The following CNTNAP2 variants were observed in gnomAD, a reference collection of about 807,000 sequenced individuals.
CNTNAP2 encodes contactin associated protein 2.
CNTNAP2 carries 98 observed loss-of-function variants against 155.2 expected under a neutral mutation model. The ratio of observed to expected loss-of-function variants is 0.63; its 90% CI spans 0.54 to 0.75. CNTNAP2 has a LOEUF of 0.75. Among genes scored for constraint, CNTNAP2 ranks in the 30% least tolerant of loss-of-function variants. CNTNAP2 has a pLI of 0.00. For synonymous variants in CNTNAP2, 651 were observed against 631.2 expected (o/e 1.03, Z -0.47); for missense variants, 1,727 against 1,688.1 (o/e 1.02, Z -0.40).
At chr7:147,459,548 A>G (rs965706696) in intron 10 of CNTNAP2, among the ~76,000 whole-genome samples, 2 of 152,160 alleles carry the variant, frequency 1.3e-5, no homozygotes, top group African/African-American at 4.8e-5. Context: ...GGGAGGCAGT[A>G]AGGTTAGAAA....
intron 13 of CNTNAP2, among the ~76,000 whole-genome samples, chr7:147,741,989 C>T (rs1223608798): frequency 1.3e-5 from 2 of 152,086 alleles, no homozygotes; most frequent in Admixed American, 6.5e-5. Context: ...TGGTGGAAGG[C>T]AAGGAGGAGC....
intron 21 of CNTNAP2, among the ~76,000 whole-genome samples, chr7:148,338,675 C>A (rs1489347304): frequency 2.6e-5 from 4 of 152,294 alleles, no homozygotes; most frequent in African/African-American, 9.6e-5. Flanking sequence ...TTTCCTATCA[C>A]TACTGTCTTC....
In CNTNAP2 at chr7:148,418,718, T is replaced by A. The variant is rs1563082199; in HGVS notation, c.*3102T>A. ...ATATTTAAAAATGTATTTCCCCTTG[T>A]GGCTTTCAACCACCTGCTCAAAAAA... is the stretch of plus-strand genomic sequence containing the variant. On this transcript the variant is annotated 3_prime_UTR_variant, in exon 24 of 24. Coordinates refer to ENST00000361727, the MANE Select transcript of CNTNAP2 (RefSeq NM_014141.6). 6.6e-6 allele frequency: 1 copy of A among 152,184 alleles called. No individual in the cohort carries two copies. Among genetic ancestry groups the A allele is most frequent in the Non-Finnish European group, 1.5e-5 (1 of 68,032 alleles). The allele number at this position is 152,184 out of a possible 1,614,324, so 9.4% of individuals were successfully genotyped here.
At chr7:146,302,654 C>G (rs1800631221) in intron 1 of CNTNAP2, among the ~76,000 whole-genome samples, 1 of 152,102 alleles carries the variant, frequency 6.6e-6, no homozygotes, top group Non-Finnish European at 1.5e-5. Context: ...AACTCTTAAA[C>G]AGCACGGCAT....
intron 8 of CNTNAP2, among the ~76,000 whole-genome samples, chr7:147,271,244 G>T (rs1467704523): frequency 1.3e-5 from 2 of 151,970 alleles, no homozygotes; most frequent in Non-Finnish European, 2.9e-5. Context: ...GAAGCAGCAG[G>T]AATAAGTGTA....
intron 1 of CNTNAP2, among the ~76,000 whole-genome samples, chr7:146,627,256 A>C (rs1236544897): frequency 6.6e-6 from 1 of 152,120 alleles, no homozygotes; most frequent in African/African-American, 2.4e-5. Flanking sequence ...TCCTTCCACG[A>C]CATGTGAGAA....
At chr7:146,461,471 T>G (rs2030846) in intron 1 of CNTNAP2, among the ~76,000 whole-genome samples, 88,841 of 151,602 alleles carry the variant, frequency 0.59, 29,233 homozygotes, top group South Asian at 0.82. Flanking sequence ...AAAAAGAAAT[T>G]TAGTAAGAAG....
rs140406760 is a variant in CNTNAP2, at chr7:146,577,560, C to T, written c.98-196711C>T. ...TTGTTTCGTGATTAATTTTAAAATA[C>T]GTATTCAGGGAATCAAGAAAATTTT... On this transcript the variant is annotated intron_variant, in intron 1 of 23. Transcript: ENST00000361727. Among the ~76,000 whole-genome samples the T allele has an allele frequency of 3.9e-3, 587 of 151,864 alleles. 4 individuals are homozygous for T. Among genetic ancestry groups the T allele is most frequent in the African/African-American group, 0.013 (550 of 41,442 alleles).
chr7:146,351,975 T>A (rs2129098895), intron 1 of CNTNAP2, among the ~76,000 whole-genome samples: 2 of 152,296 alleles, frequency 1.3e-5, no homozygotes, highest in Middle Eastern at 3.4e-3. Context: ...TTGGTCTGTG[T>A]TAGGAAGTGT....
At chr7:147,299,534 C>T (rs776528881) in intron 8 of CNTNAP2, among the ~76,000 whole-genome samples, 2 of 151,418 alleles carry the variant, frequency 1.3e-5, no homozygotes, top group East Asian at 1.9e-4. Context: ...GTGGTCAGTT[C>T]GTACTTATAA....
chr7:146,847,330 T>A (rs1000962647), intron 3 of CNTNAP2, among the ~76,000 whole-genome samples: 1 of 152,158 alleles, frequency 6.6e-6, no homozygotes, highest in Non-Finnish European at 1.5e-5. Context: ...AGTAATTCTA[T>A]GTTACACTCT....
chr7:146,394,123 G>A (rs1563067556), intron 1 of CNTNAP2, among the ~76,000 whole-genome samples: 1 of 152,096 alleles, frequency 6.6e-6, no homozygotes, highest in Admixed American at 6.6e-5. Context: ...ATGAGATTTA[G>A]AGCCAGGGTT....
intron 4 of CNTNAP2, among the ~76,000 whole-genome samples, chr7:147,044,630 C>A (rs978445683): frequency 2.6e-5 from 4 of 152,062 alleles, no homozygotes; most frequent in African/African-American, 9.7e-5. Context: ...TTTTAAAGCT[C>A]CCTTGTTATT....
chr7:148,357,011 C>A (rs1311424448), intron 21 of CNTNAP2, among the ~76,000 whole-genome samples: 2 of 152,094 alleles, frequency 1.3e-5, no homozygotes, highest in Non-Finnish European at 2.9e-5. Context: ...CTGTAGGAGA[C>A]CTTTCCAGCT....
chr7:148,108,564 T>C (rs917515785), intron 15 of CNTNAP2, among the ~76,000 whole-genome samples: 1 of 152,098 alleles, frequency 6.6e-6, no homozygotes, highest in Non-Finnish European at 1.5e-5. Context: ...TGGTTGGAAC[T>C]GGAGGACATA....
At position 146,693,372 on chromosome 7, in the gene CNTNAP2, T is replaced by C. The variant is rs982476128; in HGVS notation, c.98-80899T>C. ...TCTGCAAGCAGAAACAAATAATTTA[T>C]TCAATCAAAATTTTATAACTCCATT... On this transcript the variant is annotated intron_variant, in intron 1 of 23. Transcript: ENST00000361727. Among the ~76,000 whole-genome samples the C allele has an allele frequency of 3.3e-5, 5 of 152,130 alleles. No homozygotes were observed. In the East Asian group the frequency reaches 9.6e-4, roughly 29 times the overall value.
chr7:147,337,568 A>C (rs1374745480), intron 9 of CNTNAP2, among the ~76,000 whole-genome samples: 2 of 152,170 alleles, frequency 1.3e-5, no homozygotes, highest in African/African-American at 4.8e-5. Context: ...TTTGAACAAC[A>C]ATATCTTAAA....
At chr7:146,766,566 A>G (rs1377460242) in intron 1 of CNTNAP2, among the ~76,000 whole-genome samples, 1 of 152,146 alleles carries the variant, frequency 6.6e-6, no homozygotes, top group Admixed American at 6.6e-5. Flanking sequence ...ATCAGGTACA[A>G]TTTGGCCTTT....
intron 10 of CNTNAP2, among the ~76,000 whole-genome samples, chr7:147,473,277 G>T (rs1798259420): frequency 6.6e-6 from 1 of 152,152 alleles, no homozygotes; most frequent in Admixed American, 6.5e-5. Context: ...GAAAGGGAGA[G>T]TTTTGTCATT....
Sources: allele counts gnomAD v4.1 joint callset (sites outside exome capture counted in the v4.1 genomes callset), GRCh38; gene constraint gnomAD v4.1.1; transcripts MANE v1.5; gene names NCBI Gene and HGNC (gene_info 2026-07-23, HGNC 2026-07-21).